The following CADM2 variants were observed in gnomAD, a reference collection of about 807,000 sequenced individuals.
CADM2 encodes the protein immunoglobulin superfamily member 4D.
CADM2 carries 12 observed loss-of-function variants against 49.8 expected under a neutral mutation model. That is an observed-to-expected ratio of 0.24 (90% CI 0.15 to 0.39). The LOEUF is 0.39. Among genes scored for constraint, CADM2 ranks in the 10% least tolerant of loss-of-function variants. The pLI is 1.00. For synonymous variants in CADM2, 214 were observed against 175.4 expected (o/e 1.22, Z -1.74); for missense variants, 378 against 492.3 (o/e 0.77, Z 2.20).
intron 1 of CADM2, among the ~76,000 whole-genome samples, chr3:85,707,666 A>G (rs1302605209): frequency 6.6e-6 from 1 of 152,144 alleles, no homozygotes; most frequent in East Asian, 1.9e-4. Flanking sequence ...AGACACCCAA[A>G]CCTGTACATT....
At chr3:85,611,813 C>A (rs1052850232) in intron 1 of CADM2, among the ~76,000 whole-genome samples, 1 of 151,044 alleles carries the variant, frequency 6.6e-6, no homozygotes, top group African/African-American at 2.4e-5. Flanking sequence ...TTGAGGGACA[C>A]ATGTACTAAA....
chr3:85,876,159 T>A (rs1711807681), intron 3 of CADM2, among the ~76,000 whole-genome samples: 1 of 152,176 alleles, frequency 6.6e-6, no homozygotes, highest in Admixed American at 6.5e-5. Flanking sequence ...TTGTCTTGGC[T>A]AAAGTCTTAT....
chr3:85,539,520 A>G lies in CADM2; in HGVS notation c.62-187002A>G, dbSNP rs115648419. On this transcript the variant is annotated intron_variant, in intron 1 of 9. Transcript: ENST00000383699. ...ACTAAATGCCTTACTAATGGTATAG[A>G]TGCTCTAGCTCTTTCATTCCAAATT... Among the ~76,000 whole-genome samples the G allele has an allele frequency of 4.4e-3, 673 of 152,198 alleles. 5 individuals are homozygous for G. The highest frequency in any genetic ancestry group is 0.015 in the African/African-American group (607 of 41,540).
rs112361953 is a variant in CADM2, at chr3:85,635,362, G to C, written c.62-91160G>C. 7.7e-3 allele frequency among the ~76,000 whole-genome samples: 1,165 copies of C among 152,142 alleles called. 22 individuals carry two copies. Among genetic ancestry groups the C allele is most frequent in the African/African-American group, 0.026 (1,061 of 41,502 alleles). ...TTCCACATGGTAAAATTATTTCTAA[G>C]TGGGTAAAAAATACTCTTACAGAAT... On this transcript the variant is annotated intron_variant, in intron 1 of 9. Transcript: ENST00000383699.
At chr3:86,049,159 C>G (rs1299017733) in intron 8 of CADM2, among the ~76,000 whole-genome samples, 1 of 152,122 alleles carries the variant, frequency 6.6e-6, no homozygotes, top group Non-Finnish European at 1.5e-5. Context: ...CAGATATTAA[C>G]ACTTCTGATT....
chr3:85,315,104 G>A (rs2044433519), intron 1 of CADM2, among the ~76,000 whole-genome samples: 2 of 152,124 alleles, frequency 1.3e-5, no homozygotes, highest in Admixed American at 6.5e-5. Flanking sequence ...TCCTTAGCTT[G>A]CAGATATGTC....
At chr3:85,304,183 T>C (rs969115038) in intron 1 of CADM2, among the ~76,000 whole-genome samples, 7 of 151,764 alleles carry the variant, frequency 4.6e-5, no homozygotes, top group African/African-American at 1.4e-4. Flanking sequence ...AAAATACATA[T>C]CTGAAGTCCA....
chr3:85,876,996 A>T (rs1486129943), intron 3 of CADM2, among the ~76,000 whole-genome samples: 4 of 152,138 alleles, frequency 2.6e-5, no homozygotes, highest in African/African-American at 9.6e-5. Context: ...TGTATTGGAA[A>T]AATCATTTTA....
chr3:85,107,584 CT>C (rs869245374), intron 1 of CADM2, among the ~76,000 whole-genome samples: 129 of 66,238 alleles, frequency 1.9e-3, no homozygotes, highest in South Asian at 6.5e-3. Flanking sequence ...CTCTTTCTTT[CT>C]TTTCTTTCTT....
At chr3:85,896,296 G>GA (rs1715210263) in intron 5 of CADM2, among the ~76,000 whole-genome samples, 1 of 152,052 alleles carries the variant, frequency 6.6e-6, no homozygotes, top group Non-Finnish European at 1.5e-5. Flanking sequence ...AAATAAAAGA[G>GA]AAAAAAGTTT....
intron 1 of CADM2, among the ~76,000 whole-genome samples, chr3:85,488,000 T>C (rs2107640264): frequency 6.6e-6 from 1 of 152,322 alleles, no homozygotes; most frequent in South Asian, 2.1e-4. Flanking sequence ...TCCTTTATTT[T>C]TGTATTTAGA....
chr3:85,491,747 C>T (rs901011948), intron 1 of CADM2, among the ~76,000 whole-genome samples: 2 of 151,854 alleles, frequency 1.3e-5, no homozygotes, highest in Non-Finnish European at 2.9e-5. Flanking sequence ...GTCAGGAGAT[C>T]GAGACCATCC....
rs186809246 is a variant in CADM2, at chr3:85,170,330, A to G, written c.61+210662A>G. ...ATGAATATGATGCTAGATTGGTCAC[A>G]TCTTTTTCTAACTTTTTTTTTTTTT... On this transcript the variant is annotated intron_variant, in intron 1 of 9. Coordinates refer to ENST00000383699, the MANE Select transcript of CADM2 (RefSeq NM_001167675.2). Among the ~76,000 whole-genome samples the G allele has an allele frequency of 4.2e-3, 621 of 147,724 alleles. 4 individuals carry two copies. Among genetic ancestry groups the G allele is most frequent in the Non-Finnish European group, 7.0e-3 (471 of 67,530 alleles).
intron 1 of CADM2, among the ~76,000 whole-genome samples, chr3:85,265,637 CT>C (rs1286224936): frequency 6.6e-6 from 1 of 151,994 alleles, no homozygotes; most frequent in Non-Finnish European, 1.5e-5. Flanking sequence ...CCTCTCAATA[CT>C]TTTGCTTTGG....
At chr3:85,532,894 T>G (rs1252758897) in intron 1 of CADM2, among the ~76,000 whole-genome samples, 1 of 152,092 alleles carries the variant, frequency 6.6e-6, no homozygotes, top group Non-Finnish European at 1.5e-5. Context: ...CTTAGCAAAC[T>G]AATGCAGGAA....
At chr3:85,545,939 A>G (rs1210360437) in intron 1 of CADM2, among the ~76,000 whole-genome samples, 1 of 152,228 alleles carries the variant, frequency 6.6e-6, no homozygotes, top group Non-Finnish European at 1.5e-5. Context: ...ACTAATTTCC[A>G]TCAAATGAAT....
intron 1 of CADM2, among the ~76,000 whole-genome samples, chr3:85,530,321 C>CTTTTTTTTTTT (rs2061270952): frequency 8.4e-6 from 1 of 119,058 alleles, no homozygotes; most frequent in Non-Finnish European, 1.6e-5. Context: ...TTCTTTTCTC[C>CTTTTTTTTTTT]GTTTTTTTTT....
chr3:86,043,797 C>G (rs565261217), intron 8 of CADM2, among the ~76,000 whole-genome samples: 191 of 152,258 alleles, frequency 1.3e-3, no homozygotes, highest in African/African-American at 4.2e-3. Flanking sequence ...ATCATGCTAC[C>G]TGACTTCAAA....
rs184432872 is a variant in CADM2, at chr3:84,992,489, C to T, written c.61+32821C>T. Among the ~76,000 whole-genome samples the T allele has an allele frequency of 2.6e-5, 4 of 152,028 alleles. No individual in the cohort carries two copies. The East Asian group carries it at 7.8e-4, about 30-fold the overall frequency. On this transcript the variant is annotated intron_variant, in intron 1 of 9. Coordinates refer to ENST00000383699, the MANE Select transcript of CADM2 (RefSeq NM_001167675.2). ...ACTAAAAATACAAAAATTATCTGGG[C>T]ATGGTGGTGCACAACTGTAGTCCCA...
Sources: gnomAD v4.1 joint callset for allele counts (sites outside exome capture counted in the v4.1 genomes callset) on GRCh38, gnomAD v4.1.1 for gene constraint, MANE v1.5 for transcripts, NCBI Gene and HGNC (gene_info 2026-07-23, HGNC 2026-07-21) for gene names.